The following ARMC8 variants were observed in gnomAD, a reference collection of about 807,000 sequenced individuals.
ARMC8 encodes the protein armadillo repeat-containing protein 8.
ARMC8 carries 20 observed loss-of-function variants against 99.3 expected under a neutral mutation model. The observed-to-expected ratio is 0.20, with a 90% CI of 0.14 to 0.29. The LOEUF (loss-of-function observed/expected upper bound fraction) is 0.29. Among genes scored for constraint, ARMC8 ranks in the 10% least tolerant of loss-of-function variants. The pLI, the probability that ARMC8 is intolerant of heterozygous loss-of-function variation, is 1.00. For synonymous variants in ARMC8, 263 were observed against 278.3 expected (o/e 0.95, Z 0.55); for missense variants, 569 against 809.5 (o/e 0.70, Z 3.60).
intron 5 of ARMC8, among the ~76,000 whole-genome samples, chr3:138,224,266 C>T (rs1402007634): frequency 3.9e-5 from 6 of 151,980 alleles, no homozygotes; most frequent in African/African-American, 1.5e-4. Flanking sequence ...CAACAAGACT[C>T]CATCTCTACA....
intron 9 of ARMC8, 140 bp from the exon 10 acceptor site, chr3:138,239,328 C>A (rs566510971): frequency 1.7e-6 from 1 of 578,918 alleles, no homozygotes; most frequent in Non-Finnish European, 3.0e-6. Flanking sequence ...CTCCGAAAAG[C>A]GAATTGTCAA....
intron 7 of ARMC8, among the ~76,000 whole-genome samples, chr3:138,235,811 T>A (rs909180687): frequency 1.4e-5 from 2 of 145,588 alleles, no homozygotes; most frequent in South Asian, 2.2e-4. Flanking sequence ...TTTTTTTTTT[T>A]TTTTTTTTTT....
At chr3:138,263,666 T>G in intron 12 of ARMC8, 73 bp from the exon 13 acceptor site, 1 of 1,241,290 alleles carries the variant, frequency 8.1e-7, no homozygotes. Context: ...GATGTTAACA[T>G]ACTTGCATTT....
chr3:138,209,946 T>A, intron 2 of ARMC8, 53 bp downstream of exon 2: 1 of 1,358,488 alleles, frequency 7.4e-7, no homozygotes, highest in Non-Finnish European at 1.0e-6. Flanking sequence ...TTTCATGTTT[T>A]AATCTGCCAC....
At chr3:138,262,464 C>T (rs1576824428) in intron 12 of ARMC8, 9 of 1,520,232 alleles carry the variant, frequency 5.9e-6, no homozygotes, top group Non-Finnish European at 8.1e-6. Context: ...ATTTTCTTCT[C>T]TTCTTGTTTG....
chr3:138,280,497 CTT>C (rs1039909334), intron 18 of ARMC8, among the ~76,000 whole-genome samples: 9 of 107,058 alleles, frequency 8.4e-5, no homozygotes, highest in Non-Finnish European at 9.9e-5. Flanking sequence ...TCTTTTTTTT[CTT>C]TTTTTTTTTT....
intron 11 of ARMC8, among the ~76,000 whole-genome samples, chr3:138,243,676 T>C (rs1004841236): frequency 6.6e-5 from 10 of 152,184 alleles, no homozygotes; most frequent in African/African-American, 2.4e-4. Flanking sequence ...TTTTGCTTTC[T>C]GTGGAATTTT....
At chr3:138,191,290 A>C (rs1370900850) in intron 1 of ARMC8, among the ~76,000 whole-genome samples, 2 of 152,222 alleles carry the variant, frequency 1.3e-5, no homozygotes, top group Non-Finnish European at 2.9e-5. Context: ...TTAACATTAC[A>C]ACATCACCCT....
chr3:138,263,062 TTTATTCTA>T (rs1398824533), intron 12 of ARMC8, among the ~76,000 whole-genome samples: 2 of 152,270 alleles, frequency 1.3e-5, no homozygotes, highest in Non-Finnish European at 2.9e-5. Flanking sequence ...TCATGAGTAC[TTTATTCTA>T]ATATGAAAAG....
intron 10 of ARMC8, 73 bp from the exon 11 acceptor site, chr3:138,241,710 G>A: frequency 1.6e-6 from 2 of 1,229,252 alleles, no homozygotes. Context: ...AAGCTATTGA[G>A]TTGATTCAGT....
At chr3:138,235,199 G>A in intron 7 of ARMC8, 85 bp downstream of exon 7, 1 of 923,276 alleles carries the variant, frequency 1.1e-6, no homozygotes, top group Non-Finnish European at 1.7e-6. Flanking sequence ...TTGTTTCTTT[G>A]ATAATTGTGA....
At chr3:138,284,549 C>T (rs77176250) in intron 19 of ARMC8, 23 bp downstream of exon 19, 41,798 of 1,533,824 alleles carry the variant, frequency 0.027, 782 homozygotes, top group South Asian at 0.071. Flanking sequence ...CCCCTTTCAC[C>T]GTAGGATTAG....
intron 12 of ARMC8, chr3:138,263,456 C>T (rs891341249): frequency 2.5e-6 from 1 of 400,384 alleles, no homozygotes; most frequent in Non-Finnish European, 4.6e-6. Flanking sequence ...CATAACACCT[C>T]TGCAGTACTT....
chr3:138,232,330 TTC>T (rs1368041979), intron 6 of ARMC8, among the ~76,000 whole-genome samples: 1 of 152,100 alleles, frequency 6.6e-6, no homozygotes, highest in Non-Finnish European at 1.5e-5. Flanking sequence ...GAGGAAGAAC[TTC>T]TTTTGTAACA....
chr3:138,276,017 TAA>T (rs2049258758), intron 18 of ARMC8, among the ~76,000 whole-genome samples: 1 of 152,148 alleles, frequency 6.6e-6, no homozygotes, highest in Non-Finnish European at 1.5e-5. Context: ...ATTTTGTCTA[TAA>T]AGACAACTTA....
intron 18 of ARMC8, 115 bp from the exon 19 acceptor site, chr3:138,284,316 G>C (rs766533735): frequency 4.1e-6 from 3 of 733,900 alleles, no homozygotes; most frequent in Non-Finnish European, 7.2e-6. Flanking sequence ...GGCATTGAGA[G>C]TGGAACCTGT....
intron 17 of ARMC8, among the ~76,000 whole-genome samples, chr3:138,274,232 CATGTGTGTGT>C (rs2049055432): frequency 1.4e-5 from 2 of 145,284 alleles, no homozygotes; most frequent in African/African-American, 5.5e-5. Context: ...TGTGTATATA[CATGTGTGTGT>C]GTGTGTGTGT....
intron 2 of ARMC8, among the ~76,000 whole-genome samples, chr3:138,213,259 C>T (rs1341122095): frequency 6.6e-6 from 1 of 152,212 alleles, no homozygotes; most frequent in African/African-American, 2.4e-5. Flanking sequence ...TTGTAGATAG[C>T]TCACATCACA....
intron 15 of ARMC8, among the ~76,000 whole-genome samples, chr3:138,268,892 T>G (rs2048526672): frequency 6.6e-6 from 1 of 152,224 alleles, no homozygotes; most frequent in South Asian, 2.1e-4. Context: ...TAGATTTGAT[T>G]AAAGTATTAT....
Sources: allele counts gnomAD v4.1 joint callset (sites outside exome capture counted in the v4.1 genomes callset), GRCh38; gene constraint gnomAD v4.1.1; transcripts MANE v1.5; gene names NCBI Gene and HGNC (gene_info 2026-07-23, HGNC 2026-07-21).